Variants in PHC1 observed in about 807,000 individuals in gnomAD.
The protein encoded by PHC1 is polyhomeotic-like protein 1.
A neutral mutation model predicts 104.3 loss-of-function variants in PHC1; 12 were observed. The observed-to-expected ratio is 0.12, with a 90% CI of 0.07 to 0.19. The LOEUF is 0.19. Among genes scored for constraint, PHC1 ranks in the 10% least tolerant of loss-of-function variants. The pLI, the probability that PHC1 is intolerant of heterozygous loss-of-function variation, is 1.00. For synonymous variants in PHC1, 302 were observed against 455.8 expected, an observed-to-expected ratio of 0.66 and a Z score of 4.30; for missense variants, 671 against 1,200.0, an observed-to-expected ratio of 0.56 and a Z score of 6.51.
intron 6 of PHC1, among the ~76,000 whole-genome samples, chr12:8,929,146 G>C (rs919930343): frequency 1.3e-5 from 2 of 152,200 alleles, no homozygotes; most frequent in African/African-American, 4.8e-5. Flanking sequence ...AATCAGAAAT[G>C]TATAAATGTA....
chr12:8,939,259 C>T (rs1049890075), intron 14 of PHC1, 46 bp from the exon 15 acceptor site: 1 of 1,609,570 alleles, frequency 6.2e-7, no homozygotes, highest in African/African-American at 1.3e-5. Flanking sequence ...AGCTTCCCTT[C>T]TCCTATCATC....
intron 5 of PHC1, among the ~76,000 whole-genome samples, chr12:8,922,419 G>T (rs1224780312): frequency 1.3e-5 from 2 of 151,824 alleles, no homozygotes; most frequent in Non-Finnish European, 2.9e-5. Context: ...GTGACTCTTG[G>T]ACATCAATCT....
chr12:8,936,326 G>A (rs756199787), intron 11 of PHC1, among the ~76,000 whole-genome samples: 8 of 152,284 alleles, frequency 5.3e-5, no homozygotes, highest in African/African-American at 9.6e-5. Context: ...AGGTTGCAGC[G>A]ATCCAAGATA....
intron 5 of PHC1, 123 bp downstream of exon 5, chr12:8,921,873 G>A: frequency 1.1e-6 from 1 of 889,796 alleles, no homozygotes; most frequent in Non-Finnish European, 1.7e-6. Context: ...GAGTGCAGTG[G>A]CACAATAATG....
At chr12:8,914,113 T>G (rs1945124404), upstream of PHC1, among the ~76,000 whole-genome samples, 1 of 152,024 alleles carries the variant, frequency 6.6e-6, no homozygotes, top group Admixed American at 6.6e-5. Context: ...GTCCCTTTGA[T>G]CCTTTCTTTC....
intron 6 of PHC1, among the ~76,000 whole-genome samples, chr12:8,929,734 G>A (rs760725289): frequency 6.6e-6 from 1 of 152,102 alleles, no homozygotes; most frequent in South Asian, 2.1e-4. Flanking sequence ...TGCCCAGGCT[G>A]TTCTCGAACT....
intron 3 of PHC1, among the ~76,000 whole-genome samples, chr12:8,920,200 A>G (rs1159627804): frequency 2.0e-5 from 3 of 152,188 alleles, no homozygotes; most frequent in Non-Finnish European, 4.4e-5. Context: ...ACTTAGTACA[A>G]AAAAAGGTAA....
Position 8,940,356 on chromosome 12 carries a change from GC to G in PHC1, c.*899del. The stretch of plus-strand genomic sequence containing the variant: ...TGCCCACTTTCACACAAATGACAAG[GC>G]CAATATGTTTTGTTTGTTTTTTAAT... On this transcript the variant is annotated 3_prime_UTR_variant, in exon 15 of 15. Coordinates refer to ENST00000544916, the MANE Select transcript of PHC1 (RefSeq NM_004426.3). The G allele has an allele frequency of 5.5e-6, 1 of 180,708 alleles. No individual in the cohort carries two copies. The highest frequency in any genetic ancestry group is 1.0e-4 in the South Asian group (1 of 9,690). The allele number at this position is 180,708 out of a possible 1,614,324, so 11.2% of individuals were successfully genotyped here.
At chr12:8,922,515 C>T in intron 5 of PHC1, 118 bp from the exon 6 acceptor site, 1 of 832,140 alleles carries the variant, frequency 1.2e-6, no homozygotes, top group Non-Finnish European at 1.9e-6. Context: ...GTGGAAGAGG[C>T]AGGGCTCAGC....
chr12:8,924,987 G>A (rs763469840), intron 6 of PHC1, among the ~76,000 whole-genome samples: 7 of 152,180 alleles, frequency 4.6e-5, no homozygotes, highest in African/African-American at 7.2e-5. Context: ...AGCAATGGGA[G>A]CCACGAGTGA....
intron 6 of PHC1, among the ~76,000 whole-genome samples, chr12:8,924,470 C>T (rs1056343462): frequency 2.0e-5 from 3 of 152,048 alleles, no homozygotes; most frequent in African/African-American, 4.8e-5. Context: ...AGTGAGACTC[C>T]GTCTCCAAAA....
chr12:8,935,261 A>C, intron 11 of PHC1, 23 bp downstream of exon 11: 15 of 1,280,868 alleles, frequency 1.2e-5, no homozygotes, highest in Non-Finnish European at 1.6e-5. Flanking sequence ...TTAGAGACTC[A>C]TTTGGGGGAA....
intron 6 of PHC1, among the ~76,000 whole-genome samples, chr12:8,928,836 C>T (rs987577535): frequency 1.3e-5 from 2 of 152,180 alleles, no homozygotes; most frequent in Admixed American, 1.3e-4. Context: ...AACATTGTCA[C>T]GATCCATTTG....
intron 6 of PHC1, among the ~76,000 whole-genome samples, chr12:8,930,007 A>G (rs1416826935): frequency 6.6e-6 from 1 of 152,168 alleles, no homozygotes. Flanking sequence ...GCATATCTAT[A>G]CATCTTATTA....
In PHC1 at chr12:8,919,807, T is replaced by A; in HGVS notation, c.166T>A (p.Phe56Ile). The change falls in exon 3 of 15, where the codon TTC becomes ATC. Residue 56 changes from phenylalanine to isoleucine, a missense_variant. By Grantham distance (21) the Phe-to-Ile change is conservative. Coordinates refer to ENST00000544916, the MANE Select transcript of PHC1 (RefSeq NM_004426.3). This position sits in a 1 kb window ranked among gnomAD's most constrained non-coding sequence, Gnocchi z 4.9. ...QPNAAQYFHQFMLQQQLSNAQ... is the reference protein window; with the variant it reads ...QPNAAQYFHQIMLQQQLSNAQ... Reference sequence around the variant, plus strand: ...CAATGCAGCTCAGTATTTCCACCAGTTCATGCTCCAGCAGCAGCTCAGTAA... The same window carrying A: ...CAATGCAGCTCAGTATTTCCACCAGATCATGCTCCAGCAGCAGCTCAGTAA... 1 of 1,612,380 alleles carries A rather than the reference T, an allele frequency of 6.2e-7. No individual in the cohort carries two copies. Among genetic ancestry groups the A allele is most frequent in the Admixed American group, 1.7e-5 (1 of 59,826 alleles).
rs760012861 is a variant in PHC1 at position 8,928,369 on chromosome 12, A to G, written c.613-2066A>G. Among the ~76,000 whole-genome samples the G allele has an allele frequency of 2.8e-4, 43 of 152,256 alleles. No homozygotes were observed. In the South Asian group the frequency reaches 3.5e-3, roughly 12 times the overall value. ...TCGTACTTCTGGTACACAGAATTTGATAAAATTGTAATCCTTGGATCATGA... is the reference window on the plus strand; with the variant it reads ...TCGTACTTCTGGTACACAGAATTTGGTAAAATTGTAATCCTTGGATCATGA... On this transcript the variant is annotated intron_variant, in intron 6 of 14. Coordinates refer to ENST00000544916, the MANE Select transcript of PHC1 (RefSeq NM_004426.3).
rs1405456229 is a variant in PHC1 at position 8,917,090 on chromosome 12, G to GA, written c.-48-536dup. Among the ~76,000 whole-genome samples the GA allele has an allele frequency of 3.5e-4, 54 of 152,338 alleles. 1 individual carries two copies. Among genetic ancestry groups the GA allele is most frequent in the African/African-American group, 1.3e-3 (53 of 41,586 alleles). On this transcript the variant is annotated intron_variant, in intron 1 of 14. Coordinates refer to ENST00000544916, the MANE Select transcript of PHC1 (RefSeq NM_004426.3). ...TACTAGGGCAACTTCTTTAACCTCA[G>GA]AAAACCTTATGTCTCAAATTGTAGA...
chr12:8,923,151 A>G (rs1945414026), intron 6 of PHC1, among the ~76,000 whole-genome samples: 1 of 152,196 alleles, frequency 6.6e-6, no homozygotes. Flanking sequence ...TTCTTCTGTT[A>G]GTTAGATGTA....
At chr12:8,914,459 G>A (rs767890707), upstream of PHC1, 9 of 145,116 alleles carry the variant, frequency 6.2e-5, no homozygotes, top group Admixed American at 2.0e-4. Flanking sequence ...AGGGACGGCG[G>A]GGGGGGGGTC....
Sources: gnomAD v4.1 joint callset for allele counts (sites outside exome capture counted in the v4.1 genomes callset) on GRCh38, gnomAD v4.1.1 for gene constraint, Gnocchi (gnomAD v3.1) non-coding constraint, MANE v1.5 for transcripts, NCBI Gene and HGNC (gene_info 2026-07-23, HGNC 2026-07-21) for gene names.